DLG3: variants seen among roughly 807,000 people sequenced by gnomAD.
The protein encoded by DLG3 is discs large MAGUK scaffold protein 3, also known as disks large homolog 3.
Under a neutral mutation model 64.1 loss-of-function variants are expected in DLG3, and 1 was observed. The ratio of observed to expected loss-of-function variants is 0.02; its 90% CI spans 0.01 to 0.07. The LOEUF (loss-of-function observed/expected upper bound fraction) is 0.07. Ranked by LOEUF, DLG3 falls within the 10% of genes least tolerant of loss-of-function variation. The pLI is 1.00. For missense variants in DLG3, 429 were observed against 669.5 expected (o/e 0.64, Z 3.96); for synonymous variants, 245 against 259.8 (o/e 0.94, Z 0.55).
intron 9 of DLG3, among the ~76,000 whole-genome samples, chrX:70,462,319 G>A (rs1392156881): frequency 1.1e-5 from 1 of 93,980 alleles, no homozygotes; most frequent in East Asian, 3.4e-4. Flanking sequence ...GCATGATCTC[G>A]GCTCACTGCA....
intron 1 of DLG3, among the ~76,000 whole-genome samples, chrX:70,446,148 A>G (rs2086565687): frequency 9.0e-6 from 1 of 110,561 alleles, no homozygotes; most frequent in Non-Finnish European, 1.9e-5. Context: ...CTGAATGTGG[A>G]GAGGTCTCTG....
intron 9 of DLG3, among the ~76,000 whole-genome samples, chrX:70,475,734 T>C (rs1266768896): frequency 8.9e-6 from 1 of 112,385 alleles, no homozygotes; most frequent in African/African-American, 3.2e-5. Context: ...ATACCAACAG[T>C]GGTATCTTCT....
At position 70,494,450 on chromosome X, in the gene DLG3, T is replaced by C. The variant is rs1038485950; in HGVS notation, c.1774-958T>C. ...GAAATGTCCTTCTGTCAGGCCAGCT[T>C]GGTCCACAGTCATGGTATGTGTAAG... On this transcript the variant is annotated intron_variant, in intron 12 of 18. Coordinates refer to ENST00000374360, the MANE Select transcript of DLG3 (RefSeq NM_021120.4). 2.1e-4 allele frequency among the ~76,000 whole-genome samples: 24 copies of C among 112,135 alleles called. No individual in the cohort carries two copies. The Admixed American group carries it at 2.3e-3, about 11-fold the overall frequency.
At chrX:70,447,346 T>C (rs151131872) in intron 1 of DLG3, among the ~76,000 whole-genome samples, 63 of 112,177 alleles carry the variant, frequency 5.6e-4, no homozygotes, top group African/African-American at 1.8e-3. Context: ...TTTGCTTATG[T>C]GTCTGTTGCA....
At chrX:70,484,917 G>A (rs1275867499) in intron 10 of DLG3, among the ~76,000 whole-genome samples, 1 of 111,906 alleles carries the variant, frequency 8.9e-6, no homozygotes, top group Non-Finnish European at 1.9e-5. Flanking sequence ...CTGAGTGCTC[G>A]GGTTTGTGCT....
chrX:70,452,940 A>T (rs2086641329), intron 7 of DLG3: 1 of 401,268 alleles, frequency 2.5e-6, no homozygotes, highest in East Asian at 4.1e-5. Flanking sequence ...TGACACTGTG[A>T]CCTTTTACAG....
At chrX:70,466,247 TTGTGTGTGTGTGTGTG>T (rs61083333) in intron 9 of DLG3, among the ~76,000 whole-genome samples, 11 of 84,416 alleles carry the variant, frequency 1.3e-4, no homozygotes, top group Admixed American at 9.6e-4. Flanking sequence ...TCTTGGTCAT[TTGTGTGTGTGTGTGTG>T]TGTGTGTGTG....
At chrX:70,488,839 C>G (rs2087304348) in intron 10 of DLG3, among the ~76,000 whole-genome samples, 1 of 112,483 alleles carries the variant, frequency 8.9e-6, no homozygotes, top group Non-Finnish European at 1.9e-5. Context: ...AGTTCAGAAT[C>G]TCAAACCTCA....
rs755209345 is a variant in DLG3 at position 70,503,843 on chromosome X, C to G, written c.*1574C>G. On this transcript the variant is annotated 3_prime_UTR_variant, in exon 19 of 19. Coordinates refer to ENST00000374360, the MANE Select transcript of DLG3 (RefSeq NM_021120.4). ...AGCAGGTGTGGTTCAGGTCCCCCCC[C>G]ACCCCACTGTGCTCCTTTGAAGCCA... 4 of 111,127 alleles carry G rather than the reference C, an allele frequency of 3.6e-5. No individual in the cohort carries two copies. The highest frequency in any genetic ancestry group is 9.6e-5 in the Admixed American group (1 of 10,431). 9.2% of individuals were successfully genotyped at this position (111,127 alleles called of 1,213,427 possible). A position where few individuals can be genotyped will look rare whatever the true frequency, so the allele number is the denominator to read the frequency against.
Position 70,499,353 on chromosome X carries a change from G to A in DLG3, c.1972+76G>A, listed in dbSNP as rs1258291034. ...GTTGCTCTAATGTTTTATGGAAAAG[G>A]TCTGGGATCAGATTCTAGGGCTATT... is the stretch of plus-strand genomic sequence containing the variant. On this transcript the variant is annotated intron_variant, in intron 15 of 18. Coordinates refer to ENST00000374360, the MANE Select transcript of DLG3 (RefSeq NM_021120.4). 3.8e-6 allele frequency: 3 copies of A among 797,811 alleles called. No homozygotes were observed. The African/African-American group carries it at 6.1e-5, about 16-fold the overall frequency. The allele number at this position is 797,811 out of a possible 1,213,427, so 65.7% of individuals were successfully genotyped here. A position where few individuals can be genotyped will look rare whatever the true frequency, so the allele number is the denominator to read the frequency against.
At chrX:70,489,504 T>C (rs1450087465) in intron 10 of DLG3, among the ~76,000 whole-genome samples, 1 of 111,009 alleles carries the variant, frequency 9.0e-6, no homozygotes, top group East Asian at 2.8e-4. Context: ...GGTTTTGCTA[T>C]GTTGGCCAGG....
intron 9 of DLG3, among the ~76,000 whole-genome samples, chrX:70,463,425 G>A (rs1477609488): frequency 9.0e-6 from 1 of 111,508 alleles, no homozygotes; most frequent in East Asian, 2.8e-4. Context: ...GGGATTACAG[G>A]CTTGAGCCAC....
chrX:70,459,120 T>C lies in DLG3; in HGVS notation c.1405+4804T>C, dbSNP rs778892216. On this transcript the variant is annotated intron_variant, in intron 9 of 18. Coordinates refer to ENST00000374360, the MANE Select transcript of DLG3 (RefSeq NM_021120.4). The stretch of plus-strand genomic sequence containing the variant: ...CTTGAAAGCCCTTTTGTTTTTAGAG[T>C]AGAAACTGATCTCAAAAACAGGAGG... Among the ~76,000 whole-genome samples, 4 of 111,756 alleles carry C rather than the reference T, an allele frequency of 3.6e-5. No individual in the cohort carries two copies. In the South Asian group the frequency reaches 1.1e-3, roughly 32 times the overall value.
At chrX:70,455,095 C>T (rs1266922354) in intron 9 of DLG3, 5 of 728,481 alleles carry the variant, frequency 6.9e-6, no homozygotes, top group East Asian at 1.6e-4. Context: ...CCCTCCTTCC[C>T]CCCATCGCGC....
At chrX:70,473,858 C>T (rs1387813974) in intron 9 of DLG3, among the ~76,000 whole-genome samples, 4 of 111,830 alleles carry the variant, frequency 3.6e-5, no homozygotes, top group African/African-American at 1.3e-4. Flanking sequence ...CCTCCCAAAG[C>T]ATTGGGATTA....
At chrX:70,480,914 A>G (rs1013144268) in intron 10 of DLG3, among the ~76,000 whole-genome samples, 13 of 112,363 alleles carry the variant, frequency 1.2e-4, no homozygotes, top group African/African-American at 3.9e-4. Context: ...TGGCTCAGGC[A>G]AGGGAATTAA....
chrX:70,468,305 G>A (rs907701940), intron 9 of DLG3, among the ~76,000 whole-genome samples: 2 of 111,241 alleles, frequency 1.8e-5, no homozygotes, highest in East Asian at 5.6e-4. Flanking sequence ...CCTGACCTCC[G>A]GTGATCCGCC....
rs2087632033 is a variant in DLG3 at position 70,505,259 on chromosome X, C to T, written c.*2990C>T. The T allele has an allele frequency of 8.9e-6, 1 of 111,994 alleles. No homozygotes were observed. The highest frequency in any genetic ancestry group is 1.9e-5 in the Non-Finnish European group (1 of 53,197). The allele number at this position is 111,994 out of a possible 1,213,427, so 9.2% of individuals were successfully genotyped here. On this transcript the variant is annotated 3_prime_UTR_variant, in exon 19 of 19. Coordinates refer to ENST00000374360, the MANE Select transcript of DLG3 (RefSeq NM_021120.4). ...ACAGCTGAAGAACATTCAGCCCCAGCACGAGAAGATACAGAGCAACTTGGA... is the reference window on the plus strand; with the variant it reads ...ACAGCTGAAGAACATTCAGCCCCAGTACGAGAAGATACAGAGCAACTTGGA...
At chrX:70,471,553 T>A (rs1394244886) in intron 9 of DLG3, among the ~76,000 whole-genome samples, 2 of 110,897 alleles carry the variant, frequency 1.8e-5, no homozygotes, top group African/African-American at 6.6e-5. Context: ...ATGATCTCAA[T>A]CTCCTGACCT....
Sources: allele counts gnomAD v4.1 joint callset (sites outside exome capture counted in the v4.1 genomes callset), GRCh38; gene constraint gnomAD v4.1.1; transcripts MANE v1.5; gene names NCBI Gene and HGNC (gene_info 2026-07-23, HGNC 2026-07-21).